CCDC172: variants seen among roughly 807,000 people sequenced by gnomAD.
The protein encoded by CCDC172 is coiled-coil domain-containing protein 172.
In CCDC172, 30 loss-of-function variants were observed where a neutral mutation model predicts 38.0. That is an observed-to-expected ratio of 0.79 (90% CI 0.59 to 1.07). The LOEUF (loss-of-function observed/expected upper bound fraction) is 1.07. Ranked by LOEUF, CCDC172 falls within the 50% of genes least tolerant of loss-of-function variation. The pLI, the probability that CCDC172 is intolerant of heterozygous loss-of-function variation, is 0.00. For missense variants in CCDC172, 297 were observed against 290.1 expected (o/e 1.02, Z -0.17); for synonymous variants, 78 against 88.3 (o/e 0.88, Z 0.66).
rs1326934324 is a variant in CCDC172 at position 116,379,431 on chromosome 10, T to C, written c.*73T>C. 4 of 985,068 alleles carry C rather than the reference T, an allele frequency of 4.1e-6. No homozygotes were observed. The highest frequency in any genetic ancestry group is 6.1e-6 in the Non-Finnish European group (4 of 651,238). 61.0% of individuals were successfully genotyped at this position (985,068 alleles called of 1,614,324 possible). A position where few individuals can be genotyped will look rare whatever the true frequency, so the allele number is the denominator to read the frequency against. ...GAATCAAATCTTTGTGATAGATATA[T>C]GAATGGTACCCGTTACAACGGATCC... is the stretch of plus-strand genomic sequence containing the variant. On this transcript the variant is annotated 3_prime_UTR_variant, in exon 9 of 9. Transcript: ENST00000333254.
Position 116,328,165 on chromosome 10 carries a change from G to A in CCDC172, c.165+2777G>A, listed in dbSNP as rs559957338. ...GTAAAACCCGGATAGCATGTAATTA[G>A]AACTTGAATGATAGCATTTGCCTTG... On this transcript the variant is annotated intron_variant, in intron 3 of 8. Coordinates refer to ENST00000333254, the MANE Select transcript of CCDC172 (RefSeq NM_198515.3). Among the ~76,000 whole-genome samples, 3 of 152,162 alleles carry A rather than the reference G, an allele frequency of 2.0e-5. No individual in the cohort carries two copies. In the South Asian group the frequency reaches 6.2e-4, roughly 32 times the overall value.
chr10:116,332,180 C>A (rs1844671626), intron 3 of CCDC172, among the ~76,000 whole-genome samples: 2 of 152,174 alleles, frequency 1.3e-5, no homozygotes, highest in African/African-American at 4.8e-5. Flanking sequence ...ACCATCCTTA[C>A]ACTGAGCTGT....
intron 1 of CCDC172, 108 bp from the exon 2 acceptor site, chr10:116,324,839 G>A: frequency 3.2e-6 from 2 of 616,978 alleles, no homozygotes; most frequent in South Asian, 1.9e-5. Context: ...CTCAGACACC[G>A]TCTGGCGTCG....
At chr10:116,349,082 G>C (rs1222014892) in intron 5 of CCDC172, among the ~76,000 whole-genome samples, 1 of 152,056 alleles carries the variant, frequency 6.6e-6, no homozygotes, top group Non-Finnish European at 1.5e-5. Flanking sequence ...CTCGTGAACT[G>C]TGCATGTGAG....
At chr10:116,367,736 T>C (rs1845140465) in intron 7 of CCDC172, among the ~76,000 whole-genome samples, 4 of 152,190 alleles carry the variant, frequency 2.6e-5, no homozygotes, top group Admixed American at 2.6e-4. Context: ...TAACAGTCTA[T>C]ATTAATATTT....
At chr10:116,368,090 C>A (rs986886539) in intron 7 of CCDC172, among the ~76,000 whole-genome samples, 11 of 152,014 alleles carry the variant, frequency 7.2e-5, no homozygotes, top group African/African-American at 2.7e-4. Context: ...AGCATTATAT[C>A]AGGAGGCTCA....
intron 5 of CCDC172, among the ~76,000 whole-genome samples, chr10:116,346,163 G>A (rs1276661747): frequency 2.0e-5 from 3 of 151,810 alleles, no homozygotes; most frequent in Non-Finnish European, 4.4e-5. Flanking sequence ...GTGGTGTCGG[G>A]CACCTGTAAT....
chr10:116,343,626 C>T (rs1844828176), intron 5 of CCDC172, among the ~76,000 whole-genome samples: 1 of 151,512 alleles, frequency 6.6e-6, no homozygotes, highest in African/African-American at 2.4e-5. Flanking sequence ...TTTTTTACTG[C>T]CTCTGTCCAT....
intron 3 of CCDC172, among the ~76,000 whole-genome samples, chr10:116,337,258 A>G (rs952832083): frequency 3.9e-5 from 6 of 151,938 alleles, no homozygotes; most frequent in African/African-American, 7.3e-5. Context: ...GATTCAAGAA[A>G]TTATTCTGCC....
At chr10:116,371,288 C>T (rs1295712926) in intron 7 of CCDC172, among the ~76,000 whole-genome samples, 1 of 151,622 alleles carries the variant, frequency 6.6e-6, no homozygotes, top group African/African-American at 2.4e-5. Flanking sequence ...CCTTTCAGCA[C>T]CTCTGAAGAT....
chr10:116,339,159 T>G (rs1844764799), intron 3 of CCDC172, among the ~76,000 whole-genome samples: 1 of 152,028 alleles, frequency 6.6e-6, no homozygotes, highest in South Asian at 2.1e-4. Context: ...CCTCAAAGTC[T>G]CTTTTTAGCT....
At chr10:116,378,877 G>C (rs1336967058) in intron 8 of CCDC172, among the ~76,000 whole-genome samples, 1 of 151,998 alleles carries the variant, frequency 6.6e-6, no homozygotes, top group Non-Finnish European at 1.5e-5. Flanking sequence ...TTTTTGATAG[G>C]CATAAATTAT....
chr10:116,333,266 G>GT (rs947095903), intron 3 of CCDC172, among the ~76,000 whole-genome samples: 1 of 151,936 alleles, frequency 6.6e-6, no homozygotes, highest in African/African-American at 2.4e-5. Flanking sequence ...TATATAAATT[G>GT]TTTTTTGTCC....
chr10:116,363,867 G>A (rs1215346648), intron 7 of CCDC172, among the ~76,000 whole-genome samples: 1 of 151,170 alleles, frequency 6.6e-6, no homozygotes, highest in African/African-American at 2.4e-5. Flanking sequence ...GGAGGCAGAG[G>A]TTGCAATGAG....
At chr10:116,356,189 G>T (rs1844993686) in intron 5 of CCDC172, among the ~76,000 whole-genome samples, 1 of 152,010 alleles carries the variant, frequency 6.6e-6, no homozygotes, top group African/African-American at 2.4e-5. Context: ...AATTAGCCAG[G>T]CATGGTGGCG....
intron 7 of CCDC172, among the ~76,000 whole-genome samples, chr10:116,371,797 G>C (rs1211770932): frequency 6.6e-6 from 1 of 152,034 alleles, no homozygotes; most frequent in Non-Finnish European, 1.5e-5. Flanking sequence ...GAAATGAAAA[G>C]CACTGGAAAG....
chr10:116,357,315 T>G, intron 5 of CCDC172, 65 bp from the exon 6 acceptor site: 1 of 1,057,800 alleles, frequency 9.5e-7, no homozygotes. Flanking sequence ...GTACAGGTCT[T>G]TTACTTCCGG....
chr10:116,361,957 C>T (rs556108123), intron 7 of CCDC172, among the ~76,000 whole-genome samples: 15 of 152,120 alleles, frequency 9.9e-5, no homozygotes, highest in South Asian at 2.1e-4. Context: ...GGGAGGCCAA[C>T]GGGGGCAGAT....
chr10:116,340,650 TAGACA>T, intron 3 of CCDC172, 79 bp from the exon 4 acceptor site: 1 of 673,284 alleles, frequency 1.5e-6, no homozygotes, highest in East Asian at 2.7e-5. Context: ...TATTTTATAC[TAGACA>T]AATCTTCTCT....
Sources: allele counts gnomAD v4.1 joint callset (sites outside exome capture counted in the v4.1 genomes callset), GRCh38; gene constraint gnomAD v4.1.1; transcripts MANE v1.5; gene names NCBI Gene and HGNC (gene_info 2026-07-23, HGNC 2026-07-21).